Variants in TENM3 observed in about 807,000 individuals in gnomAD.
TENM3 encodes the protein teneurin transmembrane protein 3, also known as teneurin-3.
A neutral mutation model predicts 255.1 loss-of-function variants in TENM3; 63 were observed. The ratio of observed to expected loss-of-function variants is 0.25; its 90% CI spans 0.20 to 0.30. TENM3 has a LOEUF of 0.30. Ranked by LOEUF, TENM3 falls within the 10% of genes least tolerant of loss-of-function variation. TENM3 has a pLI of 1.00. For synonymous variants in TENM3, 1,306 were observed against 1,322.3 expected (o/e 0.99, Z 0.27); for missense variants, 2,929 against 3,461.1 (o/e 0.85, Z 3.86).
intron 3 of TENM3, among the ~76,000 whole-genome samples, chr4:182,595,940 T>C (rs182164950): frequency 0.014 from 2,131 of 151,732 alleles, 23 homozygotes; most frequent in Non-Finnish European, 0.021. Flanking sequence ...TTCACATATC[T>C]TTAAAGGTAG....
chr4:181,636,023 G>A, the TENM3 span, among the ~76,000 whole-genome samples: 12 of 152,002 alleles, frequency 7.9e-5, no homozygotes, highest in Non-Finnish European at 1.5e-5. Flanking sequence ...ACATGTGGAA[G>A]GAAAGAGAGA....
chr4:182,272,442 G>A (rs923484737), intron 1 of TENM3, among the ~76,000 whole-genome samples: 12 of 152,178 alleles, frequency 7.9e-5, no homozygotes, highest in Non-Finnish European at 1.8e-4. Flanking sequence ...GAAATGAGAC[G>A]AGAGCAAATC....
the TENM3 span, among the ~76,000 whole-genome samples, chr4:181,506,338 C>G: frequency 6.6e-6 from 1 of 151,834 alleles, no homozygotes; most frequent in Non-Finnish European, 1.5e-5. Context: ...CCTTTTTACT[C>G]AGTGACATGC....
chr4:182,341,642 T>C lies in TENM3; in HGVS notation c.233-5009T>C, dbSNP rs79960846. Among the ~76,000 whole-genome samples the C allele has an allele frequency of 2.3e-3, 352 of 152,348 alleles. 2 individuals are homozygous for C. The highest frequency in any genetic ancestry group is 8.2e-3 in the African/African-American group (340 of 41,580). On this transcript the variant is annotated intron_variant, in intron 2 of 27. Transcript: ENST00000511685. ...TTAAAATTTTGCAACAATGCTGTAG[T>C]AAACAACTTGTTTAAATAAACATTC...
At chr4:181,867,759 C>T in the TENM3 span, among the ~76,000 whole-genome samples, 2 of 152,072 alleles carry the variant, frequency 1.3e-5, no homozygotes, top group Non-Finnish European at 2.9e-5. Context: ...CAGGCTTGTA[C>T]CATAACCAAT....
intron 5 of TENM3, among the ~76,000 whole-genome samples, chr4:182,646,106 A>G (rs1434862111): frequency 6.6e-6 from 1 of 152,240 alleles, no homozygotes; most frequent in Non-Finnish European, 1.5e-5. Flanking sequence ...CTGCATGGGA[A>G]TGCAACACAT....
At chr4:181,581,835 A>G in the TENM3 span, among the ~76,000 whole-genome samples, 2 of 151,392 alleles carry the variant, frequency 1.3e-5, no homozygotes, top group Non-Finnish European at 2.9e-5. Context: ...TGGAGTCAAG[A>G]GATTCTCCTG....
In TENM3 at chr4:182,618,749, A is replaced by T. The variant is rs146009738; in HGVS notation, c.750-9902A>T. Among the ~76,000 whole-genome samples the T allele has an allele frequency of 1.9e-3, 285 of 152,208 alleles. 1 individual carries two copies. Among genetic ancestry groups the T allele is most frequent in the Middle Eastern group, 3.4e-3 (1 of 294 alleles). Reference sequence around the variant, plus strand: ...GTGCGGGTCCAAAATTTAAAACATGATGTTTCATTTGAGGGTAAAAAAAAA... The same window carrying T: ...GTGCGGGTCCAAAATTTAAAACATGTTGTTTCATTTGAGGGTAAAAAAAAA... On this transcript the variant is annotated intron_variant, in intron 4 of 27. Transcript: ENST00000511685.
chr4:182,338,818 T>G (rs1764299619), intron 2 of TENM3, among the ~76,000 whole-genome samples: 1 of 152,322 alleles, frequency 6.6e-6, no homozygotes, highest in South Asian at 2.1e-4. Flanking sequence ...TATTAACCAT[T>G]CAGACATGTT....
chr4:182,486,918 A>ACATCCAGTT (rs1734795797), intron 3 of TENM3, among the ~76,000 whole-genome samples: 1 of 152,196 alleles, frequency 6.6e-6, no homozygotes, highest in African/African-American at 2.4e-5. Context: ...AGCTAGAAAG[A>ACATCCAGTT]CATCCAGTTC....
chr4:182,321,239 C>A (rs546049692), intron 1 of TENM3, among the ~76,000 whole-genome samples: 48 of 152,094 alleles, frequency 3.2e-4, no homozygotes, highest in Non-Finnish European at 6.8e-4. Context: ...AAATGTATGC[C>A]CCATAAGGAC....
At chr4:181,997,987 T>G in the TENM3 span, among the ~76,000 whole-genome samples, 1 of 152,202 alleles carries the variant, frequency 6.6e-6, no homozygotes, top group Admixed American at 6.5e-5. Flanking sequence ...AAGATTCTTC[T>G]AGATTCTTAT....
At chr4:181,831,515 T>A in the TENM3 span, among the ~76,000 whole-genome samples, 10 of 123,618 alleles carry the variant, frequency 8.1e-5, no homozygotes, top group East Asian at 1.6e-3. Flanking sequence ...AAAAAAAACC[T>A]GATTTTTTAG....
intron 3 of TENM3, among the ~76,000 whole-genome samples, chr4:182,528,299 G>C (rs971480317): frequency 1.3e-5 from 2 of 151,946 alleles, no homozygotes; most frequent in Non-Finnish European, 2.9e-5. Flanking sequence ...TGTATTTTTA[G>C]TAGAGACAGG....
intron 3 of TENM3, among the ~76,000 whole-genome samples, chr4:182,424,835 T>A (rs1291584801): frequency 1.3e-5 from 2 of 152,070 alleles, no homozygotes; most frequent in Non-Finnish European, 2.9e-5. Flanking sequence ...TAGAGAAAAA[T>A]GCTGTTTTTT....
intron 3 of TENM3, among the ~76,000 whole-genome samples, chr4:182,534,887 A>T (rs913791933): frequency 1.3e-5 from 2 of 152,220 alleles, no homozygotes; most frequent in African/African-American, 4.8e-5. Flanking sequence ...ACAGTGCTTT[A>T]TTCTTAGAGA....
intron 3 of TENM3, among the ~76,000 whole-genome samples, chr4:182,555,736 AT>A (rs1742520800): frequency 6.6e-6 from 1 of 152,148 alleles, no homozygotes; most frequent in Admixed American, 6.5e-5. Context: ...GCAATAATGT[AT>A]TTATTGATCT....
intron 1 of TENM3, among the ~76,000 whole-genome samples, chr4:182,152,910 C>T (rs954260460): frequency 4.6e-5 from 7 of 151,566 alleles, no homozygotes; most frequent in African/African-American, 1.2e-4. Context: ...AAATTTGAAG[C>T]GCAGTACCTT....
chr4:182,751,740 A>G, intron 19 of TENM3, 60 bp from the exon 20 acceptor site: 2 of 1,257,448 alleles, frequency 1.6e-6, no homozygotes, highest in South Asian at 1.2e-5. Flanking sequence ...TTTGCTTTTA[A>G]TTTCCCTCTG....
Sources: allele counts gnomAD v4.1 joint callset (sites outside exome capture counted in the v4.1 genomes callset), GRCh38; gene constraint gnomAD v4.1.1; transcripts MANE v1.5; gene names NCBI Gene and HGNC (gene_info 2026-07-23, HGNC 2026-07-21).